GPBP1: variants seen among roughly 807,000 people sequenced by gnomAD.
GPBP1 encodes GC-rich promoter binding protein 1.
In GPBP1, 13 loss-of-function variants were observed where a neutral mutation model predicts 56.5. That is an observed-to-expected ratio of 0.23 (90% CI 0.15 to 0.37). The LOEUF is 0.37. GPBP1 is among the 10% of genes least tolerant of loss of function. The probability of loss-of-function intolerance (pLI) is 1.00; values close to 1 mark genes in which losing one functional copy is unlikely to be tolerated. For synonymous variants in GPBP1, 204 were observed against 188.9 expected (o/e 1.08, Z -0.66); for missense variants, 477 against 572.3 (o/e 0.83, Z 1.70).
chr5:57,178,428 T>C, intron 2 of GPBP1, among the ~76,000 whole-genome samples: 1 of 152,066 alleles, frequency 6.6e-6, no homozygotes, highest in South Asian at 2.1e-4. Context: ...GTATTTTTAG[T>C]AGGGACAGGG....
intron 10 of GPBP1, among the ~76,000 whole-genome samples, chr5:57,256,242 A>G (rs1158102998): frequency 6.6e-6 from 1 of 152,132 alleles, no homozygotes; most frequent in Non-Finnish European, 1.5e-5. Context: ...ACGGCAGAGC[A>G]AGACTCCATT....
chr5:57,204,288 C>T (rs1288544284), intron 2 of GPBP1, among the ~76,000 whole-genome samples: 1 of 151,612 alleles, frequency 6.6e-6, no homozygotes, highest in Non-Finnish European at 1.5e-5. Flanking sequence ...CTGGCTCTGT[C>T]GCCCAGGCTG....
chr5:57,238,457 C>T (rs1740647008), intron 6 of GPBP1, among the ~76,000 whole-genome samples: 1 of 152,118 alleles, frequency 6.6e-6, no homozygotes. Context: ...ACTCGGGAGG[C>T]TGAGGCAGGA....
At chr5:57,197,360 C>CTTTTT (rs34110209) in intron 2 of GPBP1, among the ~76,000 whole-genome samples, 3 of 119,880 alleles carry the variant, frequency 2.5e-5, no homozygotes, top group African/African-American at 3.3e-5. Flanking sequence ...TATCATTTTG[C>CTTTTT]TTTTTTTTTT....
intron 10 of GPBP1, among the ~76,000 whole-genome samples, chr5:57,252,115 A>G (rs954550197): frequency 1.4e-4 from 21 of 148,790 alleles, no homozygotes; most frequent in South Asian, 6.6e-4. Context: ...CAGTAGTGCA[A>G]TCACCTCCCA....
At chr5:57,180,416 G>A (rs1383541270) in intron 2 of GPBP1, among the ~76,000 whole-genome samples, 1 of 152,082 alleles carries the variant, frequency 6.6e-6, no homozygotes, top group Non-Finnish European at 1.5e-5. Context: ...CACTGCACCT[G>A]GTCAGATTAT....
At chr5:57,225,258 ACCAT>A (rs1464500921) in intron 3 of GPBP1, among the ~76,000 whole-genome samples, 2 of 152,146 alleles carry the variant, frequency 1.3e-5, no homozygotes, top group Middle Eastern at 3.4e-3. Context: ...GGAGATCTTG[ACCAT>A]CCTGGCTAAC....
intron 6 of GPBP1, among the ~76,000 whole-genome samples, chr5:57,239,153 AGTT>A (rs1362855850): frequency 6.6e-6 from 1 of 152,242 alleles, no homozygotes; most frequent in African/African-American, 2.4e-5. Flanking sequence ...ATATGAAAAC[AGTT>A]GTTGAAATTA....
chr5:57,185,267 T>TC (rs2111599158), intron 2 of GPBP1, among the ~76,000 whole-genome samples: 1 of 151,942 alleles, frequency 6.6e-6, no homozygotes, highest in African/African-American at 2.4e-5. Context: ...TCTTTTTTTT[T>TC]TTTTTTTTTT....
chr5:57,235,100 A>G (rs1350932805), intron 5 of GPBP1, among the ~76,000 whole-genome samples: 15 of 152,166 alleles, frequency 9.9e-5, no homozygotes, highest in Admixed American at 9.8e-4. Context: ...TGAGGCCAGG[A>G]GTTGGAGATC....
At chr5:57,249,621 T>G in intron 9 of GPBP1, 45 bp downstream of exon 9, 1 of 1,461,280 alleles carries the variant, frequency 6.8e-7, no homozygotes, top group Non-Finnish European at 9.4e-7. Flanking sequence ...TGATATGTCA[T>G]TGAAATATTT....
chr5:57,206,122 A>G (rs1450907859), intron 2 of GPBP1, among the ~76,000 whole-genome samples: 2 of 152,086 alleles, frequency 1.3e-5, no homozygotes, highest in African/African-American at 4.8e-5. Flanking sequence ...AGAGTTCTTT[A>G]TATATTCTGG....
intron 2 of GPBP1, among the ~76,000 whole-genome samples, chr5:57,189,984 A>G (rs1754448838): frequency 6.6e-6 from 1 of 152,064 alleles, no homozygotes; most frequent in South Asian, 2.1e-4. Context: ...TTCTCTTATT[A>G]TTCTATATTA....
chr5:57,238,914 A>G (rs1206107925), intron 6 of GPBP1, among the ~76,000 whole-genome samples: 1 of 152,208 alleles, frequency 6.6e-6, no homozygotes, highest in Non-Finnish European at 1.5e-5. Context: ...AGTTAATATA[A>G]ATGGATTGTT....
chr5:57,202,665 A>G (rs567476750), intron 2 of GPBP1, among the ~76,000 whole-genome samples: 1 of 152,294 alleles, frequency 6.6e-6, no homozygotes, highest in African/African-American at 2.4e-5. Context: ...ATTTCAGAGA[A>G]AAAATTGCTT....
intron 6 of GPBP1, among the ~76,000 whole-genome samples, chr5:57,244,509 T>G (rs1740992444): frequency 6.6e-6 from 1 of 152,200 alleles, no homozygotes; most frequent in African/African-American, 2.4e-5. Flanking sequence ...CAGATGAGAT[T>G]ACCTTTCACA....
chr5:57,234,035 TA>T lies in GPBP1; in HGVS notation c.412-1928del, dbSNP rs1756567117. Reference sequence around the variant, plus strand: ...GAGTATAATTTCTAATAGTATACTTTAAAGATGCTATGCACATGTAACCACC... The same window carrying T: ...GAGTATAATTTCTAATAGTATACTTTAAGATGCTATGCACATGTAACCACC... On this transcript the variant is annotated intron_variant, in intron 5 of 11. Coordinates refer to ENST00000506184, the MANE Select transcript of GPBP1 (RefSeq NM_022913.4). 2.0e-5 allele frequency among the ~76,000 whole-genome samples: 3 copies of T among 152,214 alleles called. No individual in the cohort carries two copies. In the South Asian group the frequency reaches 6.2e-4, roughly 32 times the overall value.
chr5:57,206,983 A>G (rs1268641842), intron 2 of GPBP1, among the ~76,000 whole-genome samples: 2 of 152,154 alleles, frequency 1.3e-5, no homozygotes, highest in African/African-American at 2.4e-5. Flanking sequence ...GCATGCCTAT[A>G]TTCCCAGCCA....
At chr5:57,240,958 T>A (rs1005684287) in intron 6 of GPBP1, among the ~76,000 whole-genome samples, 10 of 144,152 alleles carry the variant, frequency 6.9e-5, no homozygotes, top group African/African-American at 2.1e-4. Context: ...GTCTCCCATT[T>A]AAAAAAAAAA....
Sources: gnomAD v4.1 joint callset for allele counts (sites outside exome capture counted in the v4.1 genomes callset) on GRCh38, gnomAD v4.1.1 for gene constraint, MANE v1.5 for transcripts, NCBI Gene and HGNC (gene_info 2026-07-23, HGNC 2026-07-21) for gene names.